The following GPATCH2 variants were observed in gnomAD, a reference collection of about 807,000 sequenced individuals.
The protein encoded by GPATCH2 is G-patch domain containing 2.
Under a neutral mutation model 58.0 loss-of-function variants are expected in GPATCH2, and 51 were observed. The ratio of observed to expected loss-of-function variants is 0.88; its 90% confidence interval spans 0.70 to 1.11. GPATCH2 has a LOEUF of 1.11. Among genes scored for constraint, GPATCH2 ranks in the 50% most tolerant of loss-of-function variants. The probability of loss-of-function intolerance (pLI) is 0.00; values close to 1 mark genes in which losing one functional copy is unlikely to be tolerated. For synonymous variants in GPATCH2, 222 were observed against 218.5 expected (o/e 1.02, Z -0.14); for missense variants, 625 against 652.2 (o/e 0.96, Z 0.45).
At chr1:217,445,215 A>G (rs1659331169) in intron 9 of GPATCH2, among the ~76,000 whole-genome samples, 1 of 152,184 alleles carries the variant, frequency 6.6e-6, no homozygotes, top group South Asian at 2.1e-4. Flanking sequence ...TAAATATTTT[A>G]CTATGACATT....
At chr1:217,567,343 G>T (rs1289538853) in intron 5 of GPATCH2, among the ~76,000 whole-genome samples, 1 of 152,226 alleles carries the variant, frequency 6.6e-6, no homozygotes, top group South Asian at 2.1e-4. Context: ...ACCGCACCCA[G>T]CCTAAATATA....
rs190072558 is a variant in GPATCH2, at chr1:217,610,956, T to G, written c.951A>C (p.Val317=). ...KEDPTELDKN[V]PDPVFESILT... ...AGATACTTTCAAAGACAGGATCTGG[T>G]ACATTTTTGTCTAGCTCAGTAGGAT... Residue 317 remains valine, a synonymous_variant, in exon 4 of 10, where the codon GTA becomes GTC. Transcript: ENST00000366935. 22 of 1,613,482 alleles carry G rather than the reference T, an allele frequency of 1.4e-5. No homozygotes were observed. Among genetic ancestry groups the G allele is most frequent in the Admixed American group, 3.3e-5 (2 of 59,944 alleles).
intron 5 of GPATCH2, among the ~76,000 whole-genome samples, chr1:217,597,300 C>T (rs1667883113): frequency 6.6e-6 from 1 of 150,944 alleles, no homozygotes; most frequent in African/African-American, 2.4e-5. Context: ...ACTACGGGAA[C>T]TACTGCACTA....
In GPATCH2 at chr1:217,630,930, T is replaced by C; in HGVS notation, c.42A>G (p.Ala14=). Reference sequence around the variant, plus strand: ...GCCAGCCTCACCAGCTGTTCCCGGCTGCTGGAGCTCCGATCGGTTGGCGCC... The same window carrying C: ...GCCAGCCTCACCAGCTGTTCCCGGCCGCTGGAGCTCCGATCGGTTGGCGCC... ...AAGRQPIGAP[A]AGNSWHFSRT... is the part of the protein sequence containing the mutation. The change falls in exon 1 of 10, where the codon GCA becomes GCG. Residue 14 remains alanine, a synonymous_variant. Transcript: ENST00000366935. 6.3e-7 allele frequency: 1 copy of C among 1,590,784 alleles called. No homozygotes were observed. The highest frequency in any genetic ancestry group is 8.5e-7 in the Non-Finnish European group (1 of 1,173,650).
intron 9 of GPATCH2, among the ~76,000 whole-genome samples, chr1:217,433,361 C>CATATATATATATATAT (rs1183174400): frequency 1.3e-4 from 15 of 118,570 alleles, no homozygotes; most frequent in Admixed American, 1.7e-4. Flanking sequence ...TTAAGCTGTT[C>CATATATATATATATAT]ATATATATAT....
At chr1:217,474,737 C>A (rs148371783) in intron 8 of GPATCH2, among the ~76,000 whole-genome samples, 1 of 152,174 alleles carries the variant, frequency 6.6e-6, no homozygotes, top group East Asian at 1.9e-4. Context: ...TCTTTTTTTA[C>A]CTGCTTGGTA....
At chr1:217,571,370 TATA>T (rs1666528398) in intron 5 of GPATCH2, among the ~76,000 whole-genome samples, 1 of 152,106 alleles carries the variant, frequency 6.6e-6, no homozygotes, top group African/African-American at 2.4e-5. Flanking sequence ...CTAAATGTGA[TATA>T]ATAAGACCCT....
chr1:217,580,210 A>T (rs1667002228), intron 5 of GPATCH2, among the ~76,000 whole-genome samples: 1 of 152,222 alleles, frequency 6.6e-6, no homozygotes, highest in Non-Finnish European at 1.5e-5. Context: ...TTAACTTGGT[A>T]TACCACACCA....
intron 5 of GPATCH2, 51 bp downstream of exon 5, chr1:217,610,270 G>A (rs769403963): frequency 2.0e-6 from 3 of 1,476,914 alleles, no homozygotes; most frequent in South Asian, 1.1e-5. Context: ...TTATTCCATA[G>A]AAATGGAAAC....
At chr1:217,504,336 T>G (rs1315898091) in intron 6 of GPATCH2, among the ~76,000 whole-genome samples, 1 of 152,184 alleles carries the variant, frequency 6.6e-6, no homozygotes, top group Non-Finnish European at 1.5e-5. Flanking sequence ...CCTGGCAGAT[T>G]TAGATGCTTC....
intron 8 of GPATCH2, among the ~76,000 whole-genome samples, chr1:217,488,673 T>A (rs1452848778): frequency 6.6e-6 from 1 of 152,034 alleles, no homozygotes; most frequent in Non-Finnish European, 1.5e-5. Flanking sequence ...TAAATTATTT[T>A]ATTTTATTTT....
At position 217,454,661 on chromosome 1, in the gene GPATCH2, C is replaced by T. The variant is rs1396185726; in HGVS notation, c.1278-5324G>A. On this transcript the variant is annotated intron_variant, in intron 8 of 9. Coordinates refer to ENST00000366935, the MANE Select transcript of GPATCH2 (RefSeq NM_018040.5). The stretch of plus-strand genomic sequence containing the variant: ...TTTGAGACAGAGTCTCACTGTACCC[C>T]AGTTTGGAGTGCAGTGGCGCTGCTC... 3.3e-5 allele frequency among the ~76,000 whole-genome samples: 5 copies of T among 151,040 alleles called. No individual in the cohort carries two copies. In the East Asian group the frequency reaches 9.8e-4, roughly 30 times the overall value.
At chr1:217,441,009 T>C (rs1264241803) in intron 9 of GPATCH2, among the ~76,000 whole-genome samples, 1 of 152,134 alleles carries the variant, frequency 6.6e-6, no homozygotes, top group Non-Finnish European at 1.5e-5. Flanking sequence ...AAAACTACTT[T>C]AAAGTTCATA....
intron 5 of GPATCH2, among the ~76,000 whole-genome samples, chr1:217,564,819 C>T (rs1666130759): frequency 6.6e-6 from 1 of 152,154 alleles, no homozygotes; most frequent in Non-Finnish European, 1.5e-5. Flanking sequence ...TTCCATAATG[C>T]ATACTTTAGG....
intron 1 of GPATCH2, among the ~76,000 whole-genome samples, chr1:217,622,520 T>C (rs1418353089): frequency 1.3e-5 from 2 of 152,320 alleles, no homozygotes; most frequent in Admixed American, 1.3e-4. Flanking sequence ...ATTTTTCCTT[T>C]CTAAGGGTAC....
intron 5 of GPATCH2, among the ~76,000 whole-genome samples, chr1:217,565,453 C>T (rs567911313): frequency 5.3e-5 from 8 of 152,092 alleles, no homozygotes; most frequent in African/African-American, 1.9e-4. Flanking sequence ...CAATACTTTC[C>T]AGGAGTTTTA....
intron 2 of GPATCH2, among the ~76,000 whole-genome samples, chr1:217,618,077 T>C (rs979531131): frequency 2.0e-5 from 3 of 152,092 alleles, no homozygotes; most frequent in African/African-American, 4.8e-5. Context: ...CTCCCGGTAA[T>C]TGAGTCAGAC....
intron 5 of GPATCH2, chr1:217,609,017 A>C (rs1399955689): frequency 1.1e-6 from 1 of 927,638 alleles, no homozygotes; most frequent in Non-Finnish European, 1.3e-6. Flanking sequence ...AATCATATTT[A>C]AGTTAGCCAT....
At chr1:217,606,036 G>A (rs970324872) in intron 5 of GPATCH2, among the ~76,000 whole-genome samples, 14 of 151,968 alleles carry the variant, frequency 9.2e-5, no homozygotes, top group South Asian at 2.1e-4. Context: ...ACTTTACTAC[G>A]ATGGCAACAG....
Sources: gnomAD v4.1 joint callset for allele counts (sites outside exome capture counted in the v4.1 genomes callset) on GRCh38, gnomAD v4.1.1 for gene constraint, MANE v1.5 for transcripts, NCBI Gene and HGNC (gene_info 2026-07-23, HGNC 2026-07-21) for gene names.